Variants in LIMCH1 observed in about 807,000 individuals in gnomAD.
LIMCH1 encodes LIM and calponin homology domains-containing protein 1.
Under a neutral mutation model 176.5 loss-of-function variants are expected in LIMCH1, and 113 were observed. That is an observed-to-expected ratio of 0.64 (90% CI 0.55 to 0.75). LIMCH1 has a LOEUF of 0.75. Among genes scored for constraint, LIMCH1 ranks in the 30% least tolerant of loss-of-function variants. LIMCH1 has a pLI of 0.00. For synonymous variants in LIMCH1, 619 were observed against 645.9 expected (o/e 0.96, Z 0.63); for missense variants, 1,674 against 1,814.9 (o/e 0.92, Z 1.41).
chr4:41,527,623 C>A (rs1028363433), intron 3 of LIMCH1, among the ~76,000 whole-genome samples: 1 of 152,060 alleles, frequency 6.6e-6, no homozygotes, highest in African/African-American at 2.4e-5. Flanking sequence ...ATCACGATGT[C>A]AGGAGATTGC....
At chr4:41,486,705 A>G (rs2069604178) in intron 1 of LIMCH1, among the ~76,000 whole-genome samples, 2 of 152,104 alleles carry the variant, frequency 1.3e-5, no homozygotes, top group Admixed American at 1.3e-4. Flanking sequence ...GGATCTTTTT[A>G]AGATGCCAGT....
intron 1 of LIMCH1, 24 bp from the exon 2 acceptor site, chr4:41,598,896 T>C: frequency 7.0e-7 from 1 of 1,432,944 alleles, no homozygotes; most frequent in East Asian, 2.3e-5. Context: ...TAATATAGAC[T>C]TATATTTCTT....
intron 1 of LIMCH1, among the ~76,000 whole-genome samples, chr4:41,580,124 T>G (rs1315569906): frequency 6.6e-6 from 1 of 152,158 alleles, no homozygotes; most frequent in African/African-American, 2.4e-5. Context: ...TCTCATGGGT[T>G]TTCTCACCAC....
chr4:41,443,388 A>G (rs2062924603), intron 1 of LIMCH1, among the ~76,000 whole-genome samples: 1 of 152,188 alleles, frequency 6.6e-6, no homozygotes, highest in Non-Finnish European at 1.5e-5. Context: ...TTGTTGAATT[A>G]AATAACAACA....
Position 41,650,541 on chromosome 4 carries a change from T to C in LIMCH1, c.2969T>C (p.Leu990Pro), listed in dbSNP as rs529606883. Reference sequence around the variant, plus strand: ...AGAGTGCACGGGTCTCCACTGGAGCTGAAACAAGACAACGGTAGCATCGAG... The same window carrying C: ...AGAGTGCACGGGTCTCCACTGGAGCCGAAACAAGACAACGGTAGCATCGAG... The part of the protein sequence containing the change: ...VARVHGSPLE[L>P]KQDNGSIEIN... Residue 990 changes from leucine (L) to proline (P), a missense_variant, in exon 18 of 32, where the codon CTG (leucine) becomes CCG (proline). This residue lies in a region of LIMCH1 where 1,015 missense variants were observed against 1,102.5 expected (regional missense o/e 0.92). Coordinates refer to ENST00000503057, the MANE Select transcript of LIMCH1 (RefSeq NM_001330672.2). 6.8e-6 allele frequency: 11 copies of C among 1,614,046 alleles called. No individual in the cohort carries two copies. In the African/African-American group the frequency reaches 1.2e-4, roughly 18 times the overall value.
chr4:41,360,026 G>GGGGTGT (rs1272581302), upstream of LIMCH1, among the ~76,000 whole-genome samples: 7 of 145,774 alleles, frequency 4.8e-5, no homozygotes, highest in African/African-American at 1.5e-4. This position sits in a 1 kb window ranked among gnomAD's most constrained non-coding sequence, Gnocchi z 4.5. Flanking sequence ...GGGTGTGTAG[G>GGGGTGT]GTGTGTGTGT....
chr4:41,500,691 C>G (rs2073112419), intron 2 of LIMCH1, among the ~76,000 whole-genome samples: 3 of 152,196 alleles, frequency 2.0e-5, no homozygotes, highest in Non-Finnish European at 4.4e-5. Flanking sequence ...CGGACAGAAT[C>G]ACCAATATGA....
intron 10 of LIMCH1, 78 bp downstream of exon 10, chr4:41,631,555 A>T: frequency 8.5e-7 from 1 of 1,174,538 alleles, no homozygotes; most frequent in African/African-American, 1.5e-5. Context: ...GAAGCACATT[A>T]TACAAGCCCC....
chr4:41,522,946 G>A (rs1268394799), intron 2 of LIMCH1, among the ~76,000 whole-genome samples: 1 of 152,088 alleles, frequency 6.6e-6, no homozygotes, highest in African/African-American at 2.4e-5. Context: ...GGCTCTCCGT[G>A]GGCAAAACAG....
At chr4:41,400,862 C>G (rs1243132292) in intron 1 of LIMCH1, among the ~76,000 whole-genome samples, 1 of 152,056 alleles carries the variant, frequency 6.6e-6, no homozygotes, top group African/African-American at 2.4e-5. Flanking sequence ...GTTCTTGGAG[C>G]CCGCTTTTTG....
intron 3 of LIMCH1, among the ~76,000 whole-genome samples, chr4:41,532,068 C>T (rs1470093958): frequency 2.0e-5 from 3 of 152,138 alleles, no homozygotes; most frequent in Non-Finnish European, 2.9e-5. Context: ...AGGGAATGCT[C>T]AATTTGCTGC....
intron 2 of LIMCH1, among the ~76,000 whole-genome samples, chr4:41,516,501 A>C (rs2075599599): frequency 6.6e-6 from 1 of 152,242 alleles, no homozygotes; most frequent in Non-Finnish European, 1.5e-5. Flanking sequence ...TCCCGGGGAC[A>C]GTTCCTTTAC....
intron 1 of LIMCH1, among the ~76,000 whole-genome samples, chr4:41,589,026 G>T (rs1289665134): frequency 6.6e-6 from 1 of 152,178 alleles, no homozygotes; most frequent in African/African-American, 2.4e-5. Context: ...CCTAGTCCTT[G>T]TTCTCTTATA....
chr4:41,611,126 T>C lies in LIMCH1; in HGVS notation c.10-2340T>C, dbSNP rs77621558. 9.8e-4 allele frequency among the ~76,000 whole-genome samples: 150 copies of C among 152,338 alleles called. 2 individuals are homozygous for C. The highest frequency in any genetic ancestry group is 6.8e-3 in the Middle Eastern group (2 of 294). On this transcript the variant is annotated intron_variant, in intron 4 of 31. Transcript: ENST00000503057. Reference sequence around the variant, plus strand: ...ATTTGGATAATGGAGACTCAATCTGTAGCACATTTTACTGTATGTTTTCTA... The same window carrying C: ...ATTTGGATAATGGAGACTCAATCTGCAGCACATTTTACTGTATGTTTTCTA...
rs892151520 is a variant in LIMCH1, at chr4:41,517,192, G to C, written c.168-7217G>C. The stretch of plus-strand genomic sequence containing the variant: ...ACATCTAACTAGTAAATGTGGAGGA[G>C]AGAGAATGGAGAATTGTTTGAGAGG... On this transcript the variant is annotated intron_variant, in intron 2 of 26. Transcript: ENST00000313860. 5.3e-5 allele frequency among the ~76,000 whole-genome samples: 8 copies of C among 152,296 alleles called. No homozygotes were observed. In the South Asian group the frequency reaches 1.7e-3, roughly 32 times the overall value.
At chr4:41,412,887 C>G (rs1418488065) in intron 1 of LIMCH1, among the ~76,000 whole-genome samples, 3 of 152,030 alleles carry the variant, frequency 2.0e-5, no homozygotes, top group Non-Finnish European at 4.4e-5. Context: ...TGACTTTGCA[C>G]TAAAAAAAAT....
intron 1 of LIMCH1, among the ~76,000 whole-genome samples, chr4:41,571,908 A>G (rs2083623554): frequency 6.6e-6 from 1 of 152,130 alleles, no homozygotes; most frequent in East Asian, 1.9e-4. Context: ...AGAGCCTGAA[A>G]TTCCTTGAGG....
At chr4:41,623,828 C>T (rs1483302599) in intron 7 of LIMCH1, among the ~76,000 whole-genome samples, 1 of 152,152 alleles carries the variant, frequency 6.6e-6, no homozygotes, top group Admixed American at 6.5e-5. Flanking sequence ...GGTCAAAAAC[C>T]TAGAAGTTTC....
chr4:41,522,869 A>G lies in LIMCH1; in HGVS notation c.168-1540A>G, dbSNP rs148120332. 7.9e-5 allele frequency among the ~76,000 whole-genome samples: 12 copies of G among 152,300 alleles called. No individual in the cohort carries two copies. In the East Asian group the frequency reaches 2.1e-3, roughly 27 times the overall value. ...AATAAGTCCAAAATAAGTTATAAAGAAGCATTTTTAAAAGGTTAAATTTAT... is the reference window on the plus strand; with the variant it reads ...AATAAGTCCAAAATAAGTTATAAAGGAGCATTTTTAAAAGGTTAAATTTAT... On this transcript the variant is annotated intron_variant, in intron 2 of 26. Transcript: ENST00000313860.
Sources: allele counts gnomAD v4.1 joint callset (sites outside exome capture counted in the v4.1 genomes callset), GRCh38; gene constraint gnomAD v4.1.1; regional missense constraint gnomAD v4.1.1; non-coding constraint Gnocchi (gnomAD v3.1); transcripts MANE v1.5; gene names NCBI Gene and HGNC (gene_info 2026-07-23, HGNC 2026-07-21).